SNN: variants seen among roughly 807,000 people sequenced by gnomAD.
SNN encodes the protein AG8_1.
Under a neutral mutation model 5.3 loss-of-function variants are expected in SNN, and 5 were observed. The observed-to-expected ratio is 0.94, with a 90% CI of 0.49 to 1.97. SNN has a LOEUF of 1.97. SNN is among the 30% of genes most tolerant of loss of function. The pLI is 0.01. For synonymous variants in SNN, 67 were observed against 52.1 expected (o/e 1.29, Z -1.24); for missense variants, 127 against 121.6 (o/e 1.04, Z -0.21).
chr16:11,670,219 T>G (rs962600162), intron 1 of SNN, among the ~76,000 whole-genome samples: 3 of 150,758 alleles, frequency 2.0e-5, no homozygotes, highest in African/African-American at 4.9e-5. Flanking sequence ...GGTGGCTTTA[T>G]GGGGGGAGGC....
At position 11,676,757 on chromosome 16, in the gene SNN, A is replaced by G; in HGVS notation, c.*431A>G. Reference sequence around the variant, plus strand: ...GACTGGTATTCTGGCTGTACTAATGACAAGCTGAGTCAAGACCCTGGAGGG... The same window carrying G: ...GACTGGTATTCTGGCTGTACTAATGGCAAGCTGAGTCAAGACCCTGGAGGG... On this transcript the variant is annotated 3_prime_UTR_variant, in exon 2 of 2. Coordinates refer to ENST00000329565, the MANE Select transcript of SNN (RefSeq NM_003498.6). The G allele has an allele frequency of 5.3e-6, 1 of 187,488 alleles. No individual in the cohort carries two copies. 11.6% of individuals were successfully genotyped at this position (187,488 alleles called of 1,614,324 possible).
rs2050264732 is a variant in SNN at position 11,671,302 on chromosome 16, G to T, written c.-86+2762G>T. ...AGGATGGCAAGACTGAAGGCACATGGAGCAGGAGGGTGTGTGTTTGGGGGA... is the reference window on the plus strand; with the variant it reads ...AGGATGGCAAGACTGAAGGCACATGTAGCAGGAGGGTGTGTGTTTGGGGGA... On this transcript the variant is annotated intron_variant, in intron 1 of 1. Transcript: ENST00000329565. This position sits in a 1 kb window ranked among gnomAD's most constrained non-coding sequence, Gnocchi z 4.7. Among the ~76,000 whole-genome samples, 1 of 152,142 alleles carries T rather than the reference G, an allele frequency of 6.6e-6. No individual in the cohort carries two copies. The highest frequency in any genetic ancestry group is 1.5e-5 in the Non-Finnish European group (1 of 68,024).
chr16:11,676,305 C>A lies in SNN; in HGVS notation c.246C>A (p.Asn82Lys), dbSNP rs770903989. The A allele has an allele frequency of 5.6e-6, 9 of 1,613,722 alleles. No homozygotes were observed. The South Asian group carries it at 7.7e-5, about 14-fold the overall frequency. ...GAAAGGCCAAGCTGATGACTCCCAA[C>A]GGCCCGGAAGTCCACGGCTGAGCCA... ...VERKAKLMTP[N>K]GPEVHG Residue 82 changes from asparagine to lysine, a missense_variant, in exon 2 of 2, where the codon AAC becomes AAA. Asn to Lys is a moderately conservative substitution (Grantham distance 94, BLOSUM62 0). Coordinates refer to ENST00000329565, the MANE Select transcript of SNN (RefSeq NM_003498.6).
At chr16:11,670,033 G>A (rs2050257333) in intron 1 of SNN, among the ~76,000 whole-genome samples, 2 of 152,222 alleles carry the variant, frequency 1.3e-5, no homozygotes, top group African/African-American at 2.4e-5. Flanking sequence ...ATGCGTCCTT[G>A]TGTCCCACTG....
intron 1 of SNN, among the ~76,000 whole-genome samples, chr16:11,675,527 A>G (rs1176019749): frequency 1.3e-5 from 2 of 152,112 alleles, no homozygotes; most frequent in Non-Finnish European, 2.9e-5. Context: ...TCAGCCTTCC[A>G]AAGTGCTGGA....
At chr16:11,675,258 CTTTT>C (rs769141223) in intron 1 of SNN, among the ~76,000 whole-genome samples, 7 of 125,318 alleles carry the variant, frequency 5.6e-5, no homozygotes, top group Middle Eastern at 4.3e-3. Context: ...TTTTTTTTTT[CTTTT>C]TTTTTTTTTT....
chr16:11,676,251 G>T lies in SNN; in HGVS notation c.192G>T (p.Gln64His), dbSNP rs776712790. 1 of 1,614,238 alleles carries T rather than the reference G, an allele frequency of 6.2e-7. No homozygotes were observed. Among genetic ancestry groups the T allele is most frequent in the African/African-American group, 1.3e-5 (1 of 75,066 alleles). ...GETKEPFLLV[Q>H]YSAKGPCVER... ...CCAAGGAACCCTTCCTGCTGGTGCA[G>T]TATTCGGCCAAGGGACCGTGCGTGG... Residue 64 changes from glutamine to histidine, a missense_variant, in exon 2 of 2, where the codon CAG becomes CAT. By Grantham distance (24) the Gln-to-His change is conservative. Transcript: ENST00000329565.
Position 11,676,278 on chromosome 16 carries a change from G to A in SNN, c.219G>A (p.Glu73=). Residue 73 remains glutamate (E), a synonymous_variant, in exon 2 of 2, where the codon GAG becomes GAA. Coordinates refer to ENST00000329565, the MANE Select transcript of SNN (RefSeq NM_003498.6). ...VQYSAKGPCV[E]RKAKLMTPNG... is the part of the protein sequence containing the mutation. ...ATTCGGCCAAGGGACCGTGCGTGGA[G>A]AGAAAGGCCAAGCTGATGACTCCCA... The A allele has an allele frequency of 1.2e-6, 2 of 1,614,222 alleles. No homozygotes were observed. The highest frequency in any genetic ancestry group is 1.7e-6 in the Non-Finnish European group (2 of 1,180,030).
At chr16:11,675,861 C>A in intron 1 of SNN, 114 bp from the exon 2 acceptor site, 1 of 585,548 alleles carries the variant, frequency 1.7e-6, no homozygotes, top group Non-Finnish European at 2.9e-6. Context: ...CCTTCGAACG[C>A]CGGCCAGCAT....
chr16:11,677,431 C>G lies in SNN; in HGVS notation c.*1105C>G, dbSNP rs2078411211. 1 of 167,180 alleles carries G rather than the reference C, an allele frequency of 6.0e-6. No individual in the cohort carries two copies. The highest frequency in any genetic ancestry group is 2.4e-5 in the African/African-American group (1 of 41,442). 10.4% of individuals were successfully genotyped at this position (167,180 alleles called of 1,614,324 possible). A position where few individuals can be genotyped will look rare whatever the true frequency, so the allele number is the denominator to read the frequency against. On this transcript the variant is annotated 3_prime_UTR_variant, in exon 2 of 2. Transcript: ENST00000329565. This position sits in a 1 kb window ranked among gnomAD's most constrained non-coding sequence, Gnocchi z 4.2. ...TGACTTCACTTTCCTCAGCGGGTCT[C>G]CAGTCCCCTGACCCAGCTCTAAAGG...
intron 1 of SNN, among the ~76,000 whole-genome samples, chr16:11,675,044 C>G (rs1597389322): frequency 6.6e-6 from 1 of 152,234 alleles, no homozygotes; most frequent in East Asian, 1.9e-4. Flanking sequence ...TGGCCTCCGT[C>G]CAAACCACAC....
In SNN at chr16:11,670,323, G is replaced by A. The variant is rs543618836; in HGVS notation, c.-86+1783G>A. On this transcript the variant is annotated intron_variant, in intron 1 of 1. Coordinates refer to ENST00000329565, the MANE Select transcript of SNN (RefSeq NM_003498.6). The stretch of plus-strand genomic sequence containing the variant: ...GAGCCTCAGGAGGTGGCGGCTGCAA[G>A]GCGGGGGTGTTTTGCTGGTGGTGAG... Among the ~76,000 whole-genome samples the A allele has an allele frequency of 3.1e-4, 47 of 152,344 alleles. 1 individual carries two copies. Among genetic ancestry groups the A allele is most frequent in the African/African-American group, 1.1e-3 (45 of 41,584 alleles).
chr16:11,670,122 C>G (rs558527867), intron 1 of SNN, among the ~76,000 whole-genome samples: 1 of 152,154 alleles, frequency 6.6e-6, no homozygotes, highest in African/African-American at 2.4e-5. Context: ...TCCCTACAAC[C>G]CTGTTTTCCC....
At position 11,679,085 on chromosome 16, in the gene SNN, T is replaced by C; in HGVS notation, c.*2759T>C. 8.3e-7 allele frequency: 1 copy of C among 1,199,662 alleles called. No individual in the cohort carries two copies. Among genetic ancestry groups the C allele is most frequent in the Non-Finnish European group, 1.2e-6 (1 of 863,666 alleles). 74.3% of individuals were successfully genotyped at this position (1,199,662 alleles called of 1,614,324 possible). On this transcript the variant is annotated 3_prime_UTR_variant, in exon 2 of 2. Coordinates refer to ENST00000329565, the MANE Select transcript of SNN (RefSeq NM_003498.6). The surrounding 1 kb of genome is among the most constrained non-coding windows in gnomAD (Gnocchi z 4.6). Reference sequence around the variant, plus strand: ...ATGCTGAATGACATTCAAGCTGATTTTCTAGACCACTGAGAAAATCTTTAT... The same window carrying C: ...ATGCTGAATGACATTCAAGCTGATTCTCTAGACCACTGAGAAAATCTTTAT...
chr16:11,673,322 G>A (rs1227854848), intron 1 of SNN, among the ~76,000 whole-genome samples: 3 of 152,184 alleles, frequency 2.0e-5, no homozygotes, highest in Non-Finnish European at 2.9e-5. Context: ...GGACAGAGCA[G>A]GGCCACCGTG....
chr16:11,673,781 C>T (rs928538005), intron 1 of SNN, among the ~76,000 whole-genome samples: 3 of 152,166 alleles, frequency 2.0e-5, no homozygotes, highest in African/African-American at 7.2e-5. Flanking sequence ...GCGAGCAGGG[C>T]ATATTGGGGA....
At position 11,668,690 on chromosome 16, in the gene SNN, G is replaced by A. The variant is rs1226739719; in HGVS notation, c.-86+150G>A. On this transcript the variant is annotated intron_variant, in intron 1 of 1. Coordinates refer to ENST00000329565, the MANE Select transcript of SNN (RefSeq NM_003498.6). The surrounding 1 kb of genome is among the most constrained non-coding windows in gnomAD (Gnocchi z 6.8). The stretch of plus-strand genomic sequence containing the variant: ...GCGGGGGAGGGGCGGCCCGGCGGGC[G>A]CGGCTCGGGGGAGGGTCCGTTCCAG... 1 of 146,624 alleles carries A rather than the reference G, an allele frequency of 6.8e-6. No homozygotes were observed. Among genetic ancestry groups the A allele is most frequent in the Non-Finnish European group, 1.5e-5 (1 of 65,502 alleles). The allele number at this position is 146,624 out of a possible 1,614,324, so 9.1% of individuals were successfully genotyped here.
In SNN at chr16:11,668,477, G is replaced by A. The variant is rs1408767074; in HGVS notation, c.-149G>A. ...CCCGAGTGCGCGGCGGCCGGACCGG[G>A]CGGGCGGAGCCGGGCCCGCGGGGCT... On this transcript the variant is annotated 5_prime_UTR_variant, in exon 1 of 2. Coordinates refer to ENST00000329565, the MANE Select transcript of SNN (RefSeq NM_003498.6). This position sits in a 1 kb window ranked among gnomAD's most constrained non-coding sequence, Gnocchi z 6.8. 2 of 146,114 alleles carry A rather than the reference G, an allele frequency of 1.4e-5. No individual in the cohort carries two copies. The highest frequency in any genetic ancestry group is 3.0e-5 in the Non-Finnish European group (2 of 65,724). The allele number at this position is 146,114 out of a possible 1,614,324, so 9.1% of individuals were successfully genotyped here. A position where few individuals can be genotyped will look rare whatever the true frequency, so the allele number is the denominator to read the frequency against.
intron 1 of SNN, among the ~76,000 whole-genome samples, chr16:11,669,019 C>G (rs1390349511): frequency 1.3e-5 from 2 of 152,080 alleles, no homozygotes; most frequent in Non-Finnish European, 2.9e-5. Context: ...TGGGCAGCGG[C>G]TGCGCGGCGT....
Sources: gnomAD v4.1 joint callset for allele counts (sites outside exome capture counted in the v4.1 genomes callset) on GRCh38, gnomAD v4.1.1 for gene constraint, Gnocchi (gnomAD v3.1) non-coding constraint, MANE v1.5 for transcripts, NCBI Gene and HGNC (gene_info 2026-07-23, HGNC 2026-07-21) for gene names.